ROBO1: variants seen among roughly 807,000 people sequenced by gnomAD.
ROBO1 encodes the protein roundabout guidance receptor 1, also known as roundabout homolog 1.
In ROBO1, 149 loss-of-function variants were observed where a neutral mutation model predicts 195.9. That is an observed-to-expected ratio of 0.76 (90% CI 0.67 to 0.87). The LOEUF (loss-of-function observed/expected upper bound fraction) is 0.87, where lower values mean the gene tolerates loss of function less well. ROBO1 is among the 40% of genes least tolerant of loss of function. ROBO1 has a pLI of 0.00. For synonymous variants in ROBO1, 816 were observed against 733.2 expected (o/e 1.11, Z -1.82); for missense variants, 1,933 against 2,068.3 (o/e 0.93, Z 1.27).
chr3:79,531,759 T>C (rs1485858114), intron 2 of ROBO1, among the ~76,000 whole-genome samples: 2 of 152,202 alleles, frequency 1.3e-5, no homozygotes, highest in Non-Finnish European at 2.9e-5. Context: ...TTGATTCATA[T>C]GCAAACACAT....
Position 79,621,901 on chromosome 3 carries a change from C to G in ROBO1, c.-50-31940G>C, listed in dbSNP as rs562387581. Among the ~76,000 whole-genome samples the G allele has an allele frequency of 1.5e-4, 23 of 152,214 alleles. 1 individual carries two copies. Among genetic ancestry groups the G allele is most frequent in the South Asian group, 8.3e-4 (4 of 4,820 alleles). ...AACAACATAATGACTGTAATAAAAC[C>G]TGGGGAGCGGGCCAAGATGGCTGAC... On this transcript the variant is annotated intron_variant, in intron 1 of 30. Coordinates refer to ENST00000464233, the MANE Select transcript of ROBO1 (RefSeq NM_002941.4).
At chr3:79,114,090 C>T (rs1328244693) in intron 3 of ROBO1, among the ~76,000 whole-genome samples, 2 of 152,136 alleles carry the variant, frequency 1.3e-5, no homozygotes, top group South Asian at 2.1e-4. Context: ...GTCTTTCCTG[C>T]CTTCATGTAA....
At chr3:79,076,520 C>A (rs1009619992) in intron 3 of ROBO1, among the ~76,000 whole-genome samples, 2 of 151,208 alleles carry the variant, frequency 1.3e-5, no homozygotes, top group African/African-American at 4.9e-5. Flanking sequence ...ATAGTAATTA[C>A]ATTGGTGGGA....
In ROBO1 at chr3:79,431,570, A is replaced by G. The variant is rs147743834; in HGVS notation, c.88+158254T>C. 4.3e-4 allele frequency among the ~76,000 whole-genome samples: 65 copies of G among 152,286 alleles called. 1 individual carries two copies. Among genetic ancestry groups the G allele is most frequent in the African/African-American group, 1.4e-3 (59 of 41,580 alleles). ...AAGGTGGAAATTAGACAGATTCAGA[A>G]GACAAAAACATGGTACAGAAAAAAA... On this transcript the variant is annotated intron_variant, in intron 2 of 30. Coordinates refer to ENST00000464233, the MANE Select transcript of ROBO1 (RefSeq NM_002941.4).
intron 4 of ROBO1, among the ~76,000 whole-genome samples, chr3:78,894,061 A>G (rs1395923886): frequency 6.6e-6 from 1 of 152,206 alleles, no homozygotes; most frequent in Non-Finnish European, 1.5e-5. Context: ...CCGAATCTCA[A>G]TTTCCTTGGC....
intron 3 of ROBO1, chr3:79,018,882 A>G: frequency 3.0e-6 from 3 of 1,001,470 alleles, no homozygotes; most frequent in Non-Finnish European, 3.6e-6. Context: ...GGGGTGTGAG[A>G]GCTGCTGAGG....
chr3:79,026,062 C>T (rs1270904102), intron 3 of ROBO1, among the ~76,000 whole-genome samples: 1 of 152,066 alleles, frequency 6.6e-6, no homozygotes, highest in African/African-American at 2.4e-5. Context: ...TTATGTTTTA[C>T]ATATAAGTTT....
intron 2 of ROBO1, among the ~76,000 whole-genome samples, chr3:79,531,343 C>T (rs1559968976): frequency 6.6e-6 from 1 of 152,018 alleles, no homozygotes; most frequent in Non-Finnish European, 1.5e-5. Flanking sequence ...TTACATTGGC[C>T]AGGCATGGCG....
chr3:78,983,787 G>A (rs1358076501), intron 3 of ROBO1, among the ~76,000 whole-genome samples: 1 of 152,166 alleles, frequency 6.6e-6, no homozygotes, highest in East Asian at 1.9e-4. Context: ...AAGTACTTGA[G>A]AAACTAGCGC....
At chr3:79,383,356 C>T (rs577810702) in intron 2 of ROBO1, among the ~76,000 whole-genome samples, 4 of 151,824 alleles carry the variant, frequency 2.6e-5, no homozygotes, top group South Asian at 4.2e-4. Flanking sequence ...AAAAAATTTC[C>T]GTAAGATTTA....
At chr3:78,607,336 C>T (rs772959658) in intron 28 of ROBO1, 1 of 328,550 alleles carries the variant, frequency 3.0e-6, no homozygotes, top group Non-Finnish European at 5.7e-6. Context: ...CCTCAGCCTC[C>T]CGAGTAGCTA....
intron 3 of ROBO1, among the ~76,000 whole-genome samples, chr3:78,976,715 C>T (rs1317659596): frequency 2.0e-5 from 3 of 152,116 alleles, no homozygotes; most frequent in East Asian, 1.9e-4. Flanking sequence ...TACAGCTATT[C>T]CTTTTTGAAG....
At chr3:79,600,004 C>T (rs892014690) in intron 1 of ROBO1, among the ~76,000 whole-genome samples, 5 of 151,364 alleles carry the variant, frequency 3.3e-5, no homozygotes, top group Admixed American at 2.6e-4. Flanking sequence ...TAAAAGTATA[C>T]TCATGTACAC....
intron 2 of ROBO1, among the ~76,000 whole-genome samples, chr3:79,268,732 G>C (rs1453109352): frequency 6.6e-6 from 1 of 151,588 alleles, no homozygotes; most frequent in Non-Finnish European, 1.5e-5. Context: ...TCCAAACCTT[G>C]CATCATTGTG....
intron 2 of ROBO1, among the ~76,000 whole-genome samples, chr3:79,447,038 C>T (rs1365884218): frequency 2.6e-5 from 4 of 151,750 alleles, no homozygotes; most frequent in Non-Finnish European, 5.9e-5. Context: ...ACCATGTTGG[C>T]CAGTCTGGTC....
chr3:79,689,025 A>G (rs1479971124), intron 1 of ROBO1, among the ~76,000 whole-genome samples: 2 of 151,990 alleles, frequency 1.3e-5, no homozygotes, highest in African/African-American at 4.8e-5. Flanking sequence ...TCTATTTAAC[A>G]TTGTCAAGTT....
intron 2 of ROBO1, among the ~76,000 whole-genome samples, chr3:79,432,968 A>G (rs943428483): frequency 1.3e-5 from 2 of 152,162 alleles, no homozygotes; most frequent in African/African-American, 4.8e-5. Context: ...GCTAAAGTAA[A>G]TTATGTATAG....
chr3:78,655,383 T>A (rs1706941443), intron 18 of ROBO1, among the ~76,000 whole-genome samples: 1 of 152,126 alleles, frequency 6.6e-6, no homozygotes, highest in African/African-American at 2.4e-5. Flanking sequence ...GTGTACCATG[T>A]CTAGACCTGT....
intron 2 of ROBO1, among the ~76,000 whole-genome samples, chr3:79,326,203 C>T (rs552990109): frequency 3.7e-4 from 56 of 152,244 alleles, no homozygotes; most frequent in Non-Finnish European, 6.9e-4. Context: ...AATTTCTCCC[C>T]GGTCCTGTGG....
Sources: allele counts gnomAD v4.1 joint callset (sites outside exome capture counted in the v4.1 genomes callset), GRCh38; gene constraint gnomAD v4.1.1; transcripts MANE v1.5; gene names NCBI Gene and HGNC (gene_info 2026-07-23, HGNC 2026-07-21).